Variants in CAPN1 observed in about 807,000 individuals in gnomAD.
CAPN1 encodes the protein calpain 1, also known as calpain-1 catalytic subunit.
CAPN1 carries 77 observed loss-of-function variants against 105.2 expected under a neutral mutation model. The ratio of observed to expected loss-of-function variants is 0.73; its 90% CI spans 0.61 to 0.88. The LOEUF (loss-of-function observed/expected upper bound fraction) is 0.88. Ranked by LOEUF, CAPN1 falls within the 40% of genes least tolerant of loss-of-function variation. The probability of loss-of-function intolerance (pLI) is 0.00; values close to 1 mark genes in which losing one functional copy is unlikely to be tolerated. For synonymous variants in CAPN1, 355 were observed against 388.8 expected, an observed-to-expected ratio of 0.91 and a Z score of 1.02; for missense variants, 833 against 976.6, an observed-to-expected ratio of 0.85 and a Z score of 1.96.
chr11:65,206,013 A>G (rs1948951248), intron 12 of CAPN1: 3 of 538,442 alleles, frequency 5.6e-6, no homozygotes, highest in Non-Finnish European at 1.0e-5. Flanking sequence ...GTAAGTGCCA[A>G]CTAGGGCGGT....
chr11:65,210,310 G>C lies in CAPN1; in HGVS notation c.1943-26G>C, dbSNP rs1481872962. On this transcript the variant is annotated intron_variant, in intron 19 of 21. Transcript: ENST00000279247. The surrounding 1 kb of genome is among the most constrained non-coding windows in gnomAD (Gnocchi z 4.3). Reference sequence around the variant, plus strand: ...TGTTGGGCAGGGGCTGCGCCTCACTGACCTTCACTCACTCTCCTGGACCAG... The same window carrying C: ...TGTTGGGCAGGGGCTGCGCCTCACTCACCTTCACTCACTCTCCTGGACCAG... The C allele has an allele frequency of 6.5e-7, 1 of 1,533,972 alleles. No individual in the cohort carries two copies. The highest frequency in any genetic ancestry group is 2.3e-5 in the East Asian group (1 of 44,148).
intron 4 of CAPN1, among the ~76,000 whole-genome samples, chr11:65,185,643 G>A (rs1260368470): frequency 6.7e-6 from 1 of 149,992 alleles, no homozygotes; most frequent in East Asian, 1.9e-4. Flanking sequence ...CTAGATACAT[G>A]TATCTAGTAT....
At chr11:65,199,573 C>T (rs973654904) in intron 10 of CAPN1, among the ~76,000 whole-genome samples, 2 of 152,196 alleles carry the variant, frequency 1.3e-5, no homozygotes, top group African/African-American at 4.8e-5. Flanking sequence ...CCTTCTCACT[C>T]AATCCTCTCT....
At position 65,183,534 on chromosome 11, in the gene CAPN1, G is replaced by A. The variant is rs768438828; in HGVS notation, c.398G>A (p.Arg133Gln). ...SLTLNDTLLH[R>Q]VVPHGQSFQN... ...ACTCTCAACGACACCCTCCTGCACC[G>A]AGTGGTTCCGCACGGCCAGAGCTTC... is the stretch of plus-strand genomic sequence containing the variant. Residue 133 changes from arginine (R) to glutamine (Q), a missense_variant, in exon 4 of 22, where the codon CGA becomes CAA. Physicochemically the swap from Arg to Gln is conservative, Grantham distance 43. Coordinates refer to ENST00000279247, the MANE Select transcript of CAPN1 (RefSeq NM_005186.4). 3.1e-6 allele frequency: 5 copies of A among 1,613,900 alleles called. No individual in the cohort carries two copies. Among genetic ancestry groups the A allele is most frequent in the East Asian group, 2.2e-5 (1 of 44,878 alleles).
intron 10 of CAPN1, among the ~76,000 whole-genome samples, chr11:65,200,094 G>A (rs537588193): frequency 3.9e-5 from 6 of 152,076 alleles, no homozygotes; most frequent in East Asian, 1.9e-4. Flanking sequence ...GTCTTGCTCC[G>A]GCTGGAGTGC....
In CAPN1 at chr11:65,211,977, A is replaced by T. The variant is rs1949058361; in HGVS notation, c.*691A>T. 3 of 152,328 alleles carry T rather than the reference A, an allele frequency of 2.0e-5. 1 individual carries two copies. In the South Asian group the frequency reaches 6.2e-4, roughly 32 times the overall value. 9.4% of individuals were successfully genotyped at this position (152,328 alleles called of 1,614,324 possible). On this transcript the variant is annotated 3_prime_UTR_variant, in exon 22 of 22. Transcript: ENST00000279247. The stretch of plus-strand genomic sequence containing the variant: ...CCGTGTTCCATATAGAGGAACCCCA[A>T]ATAATAAAAGGCCCCACATCTGTCT...
At chr11:65,205,921 G>T in intron 12 of CAPN1, 200 bp downstream of exon 12, 1 of 595,706 alleles carries the variant, frequency 1.7e-6, no homozygotes, top group African/African-American at 1.9e-5. Context: ...GTCAGTGAGG[G>T]AGCTGGATTT....
At chr11:65,206,020 CG>C (rs1948951434) in intron 12 of CAPN1, 7 of 532,702 alleles carry the variant, frequency 1.3e-5, no homozygotes, top group Non-Finnish European at 2.4e-5. Context: ...CCAACTAGGG[CG>C]GTCCAGCAAT....
At chr11:65,187,643 T>G (rs1948654989) in intron 7 of CAPN1, 1 of 453,480 alleles carries the variant, frequency 2.2e-6, no homozygotes, top group African/African-American at 2.0e-5. Flanking sequence ...TCCCAACACT[T>G]TGGGAGGCTG....
rs915752311 is a variant in CAPN1, at chr11:65,211,576, G to A, written c.*290G>A. On this transcript the variant is annotated 3_prime_UTR_variant, in exon 22 of 22. Transcript: ENST00000279247. ...CTTGTTCCTGCCTCGGGACAGCCCCGGGTTTCCCCAGCATCCTGATGTGTC... is the reference window on the plus strand; with the variant it reads ...CTTGTTCCTGCCTCGGGACAGCCCCAGGTTTCCCCAGCATCCTGATGTGTC... 3 of 556,502 alleles carry A rather than the reference G, an allele frequency of 5.4e-6. No individual in the cohort carries two copies. The highest frequency in any genetic ancestry group is 2.9e-5 in the East Asian group (1 of 34,052). 34.5% of individuals were successfully genotyped at this position (556,502 alleles called of 1,614,324 possible).
Position 65,210,211 on chromosome 11 carries a change from G to C in CAPN1, c.1942+115G>C. The C allele has an allele frequency of 8.7e-7, 1 of 1,153,060 alleles. No individual in the cohort carries two copies. The allele number at this position is 1,153,060 out of a possible 1,614,324, so 71.4% of individuals were successfully genotyped here. The stretch of plus-strand genomic sequence containing the variant: ...GTGGTGACATGGTAACAGCCATCTT[G>C]TCCTTTTCCCCACGGTTACTAGCAC... On this transcript the variant is annotated intron_variant, in intron 19 of 21. Coordinates refer to ENST00000279247, the MANE Select transcript of CAPN1 (RefSeq NM_005186.4). The surrounding 1 kb of genome is among the most constrained non-coding windows in gnomAD (Gnocchi z 4.3).
chr11:65,200,560 G>T (rs918045926), intron 10 of CAPN1, among the ~76,000 whole-genome samples: 1 of 152,134 alleles, frequency 6.6e-6, no homozygotes, highest in African/African-American at 2.4e-5. Flanking sequence ...GGCCAGGCTG[G>T]TCTTGAACTC....
intron 4 of CAPN1, among the ~76,000 whole-genome samples, chr11:65,185,105 A>G (rs1948612796): frequency 6.6e-6 from 1 of 152,062 alleles, no homozygotes; most frequent in East Asian, 1.9e-4. Context: ...CTGAAAAATC[A>G]ACTCACAAAA....
intron 7 of CAPN1, 148 bp downstream of exon 7, chr11:65,187,446 T>G: frequency 1.6e-6 from 1 of 626,406 alleles, no homozygotes; most frequent in Non-Finnish European, 2.8e-6. Flanking sequence ...GGGACACCCA[T>G]CTGAGATGCC....
chr11:65,211,441 A>G lies in CAPN1; in HGVS notation c.*155A>G. 2 of 709,846 alleles carry G rather than the reference A, an allele frequency of 2.8e-6. No individual in the cohort carries two copies. The highest frequency in any genetic ancestry group is 5.0e-6 in the Non-Finnish European group (2 of 403,142). 44.0% of individuals were successfully genotyped at this position (709,846 alleles called of 1,614,324 possible). Reference sequence around the variant, plus strand: ...CCTGTCCCCTCTCCTCCCAGCCACCATCGTTCATCTGCTCCGGGCAGAACT... The same window carrying G: ...CCTGTCCCCTCTCCTCCCAGCCACCGTCGTTCATCTGCTCCGGGCAGAACT... On this transcript the variant is annotated 3_prime_UTR_variant, in exon 22 of 22. Transcript: ENST00000279247.
At chr11:65,190,712 G>GTTTTTTTTTTTT in intron 10 of CAPN1, among the ~76,000 whole-genome samples, 1 of 56,556 alleles carries the variant, frequency 1.8e-5, no homozygotes, top group Non-Finnish European at 5.0e-5. Flanking sequence ...GGTTTTTTTT[G>GTTTTTTTTTTTT]TTTTTGTTTT....
At chr11:65,187,046 C>T (rs550066937) in intron 6 of CAPN1, among the ~76,000 whole-genome samples, 169 bp from the exon 7 acceptor site, 5 of 152,288 alleles carry the variant, frequency 3.3e-5, no homozygotes, top group Non-Finnish European at 7.4e-5. Flanking sequence ...TCCAAAAGAG[C>T]AGCATCTATA....
At position 65,186,157 on chromosome 11, in the gene CAPN1, G is replaced by C. The variant is rs1285360122; in HGVS notation, c.591-13G>C. ...TGCTTGATGCCAGAGTGCTGACCTG[G>C]AGCTGCCCACAGGGTAAATGGCAGC... is the stretch of plus-strand genomic sequence containing the variant. On this transcript the variant is annotated splice_polypyrimidine_tract_variant and intron_variant, in intron 5 of 21. Coordinates refer to ENST00000279247, the MANE Select transcript of CAPN1 (RefSeq NM_005186.4). 1.2e-6 allele frequency: 2 copies of C among 1,611,620 alleles called. No homozygotes were observed. The highest frequency in any genetic ancestry group is 2.7e-5 in the African/African-American group (2 of 74,994).
chr11:65,190,972 T>C (rs1243033409), intron 10 of CAPN1, among the ~76,000 whole-genome samples: 4 of 152,204 alleles, frequency 2.6e-5, no homozygotes, highest in Non-Finnish European at 5.9e-5. Context: ...CCCAAATTGC[T>C]GGGATTACAG....
Sources: gnomAD v4.1 joint callset for allele counts (sites outside exome capture counted in the v4.1 genomes callset) on GRCh38, gnomAD v4.1.1 for gene constraint, Gnocchi (gnomAD v3.1) non-coding constraint, MANE v1.5 for transcripts, NCBI Gene and HGNC (gene_info 2026-07-23, HGNC 2026-07-21) for gene names.